The following PSMA1 variants were observed in gnomAD, a reference collection of about 807,000 sequenced individuals.
The protein encoded by PSMA1 is proteasome 20S subunit alpha 1.
A neutral mutation model predicts 38.4 loss-of-function variants in PSMA1; 3 were observed. That is an observed-to-expected ratio of 0.08 (90% CI 0.04 to 0.20). The LOEUF is 0.20. Among genes scored for constraint, PSMA1 ranks in the 10% least tolerant of loss-of-function variants. The pLI is 1.00. For missense variants in PSMA1, 227 were observed against 325.3 expected, an observed-to-expected ratio of 0.70 and a Z score of 2.32; for synonymous variants, 101 against 107.1, an observed-to-expected ratio of 0.94 and a Z score of 0.35.
chr11:14,594,515 A>G (rs145142764), intron 2 of PSMA1, among the ~76,000 whole-genome samples: 1 of 152,334 alleles, frequency 6.6e-6, no homozygotes, highest in East Asian at 1.9e-4. Context: ...CCCAATATTC[A>G]GTAAATAAGT....
intron 2 of PSMA1, among the ~76,000 whole-genome samples, chr11:14,563,572 T>C (rs1852034836): frequency 6.6e-6 from 1 of 152,230 alleles, no homozygotes; most frequent in Non-Finnish European, 1.5e-5. Context: ...TGAGGATTCA[T>C]TGCAGGTTTT....
chr11:14,522,265 CTTAA>C (rs1439813842), upstream of PSMA1, among the ~76,000 whole-genome samples: 4 of 151,970 alleles, frequency 2.6e-5, no homozygotes, highest in African/African-American at 7.3e-5. Flanking sequence ...TAATAATTTG[CTTAA>C]TTATTAGTGT....
chr11:14,583,823 G>A (rs1589999405), intron 2 of PSMA1, among the ~76,000 whole-genome samples: 2 of 152,316 alleles, frequency 1.3e-5, no homozygotes, highest in East Asian at 3.9e-4. Context: ...GTGTGCACCT[G>A]TTAGGTTGTG....
At chr11:14,582,505 A>G (rs1323669222) in intron 2 of PSMA1, among the ~76,000 whole-genome samples, 1 of 151,832 alleles carries the variant, frequency 6.6e-6, no homozygotes, top group African/African-American at 2.4e-5. Flanking sequence ...GCAAATATCC[A>G]CTTCATACAT....
chr11:14,548,338 A>G (rs906901724), intron 2 of PSMA1, among the ~76,000 whole-genome samples: 1 of 152,196 alleles, frequency 6.6e-6, no homozygotes, highest in African/African-American at 2.4e-5. Flanking sequence ...ATTTCAAGGT[A>G]GACACTGGCT....
At chr11:14,521,330 AT>A (rs1554967372), upstream of PSMA1, among the ~76,000 whole-genome samples, 334 of 121,334 alleles carry the variant, frequency 2.8e-3, 2 homozygotes, top group African/African-American at 0.011. Flanking sequence ...AAGAATAAGA[AT>A]AATAAAAAAA....
chr11:14,582,628 C>T (rs529010437), intron 2 of PSMA1, among the ~76,000 whole-genome samples: 1 of 152,240 alleles, frequency 6.6e-6, no homozygotes, highest in Admixed American at 6.5e-5. Context: ...AACAATTCTC[C>T]TGCCTCAGCC....
intron 2 of PSMA1, among the ~76,000 whole-genome samples, chr11:14,562,031 GA>G (rs1399343501): frequency 6.6e-6 from 1 of 152,098 alleles, no homozygotes; most frequent in East Asian, 1.9e-4. Flanking sequence ...AGGAAGCTAG[GA>G]AAACCAAAGA....
intron 1 of PSMA1, among the ~76,000 whole-genome samples, chr11:14,624,598 T>A (rs1418555925): frequency 2.6e-5 from 4 of 152,066 alleles, no homozygotes; most frequent in Non-Finnish European, 5.9e-5. Context: ...GAACTATATG[T>A]TATAGATACT....
intron 2 of PSMA1, among the ~76,000 whole-genome samples, chr11:14,569,158 T>C (rs1405250579): frequency 6.6e-6 from 1 of 152,192 alleles, no homozygotes; most frequent in African/African-American, 2.4e-5. Flanking sequence ...TCTACCACAT[T>C]GTCATCAGGC....
At chr11:14,633,825 G>C (rs1853071557) in intron 1 of PSMA1, among the ~76,000 whole-genome samples, 1 of 152,142 alleles carries the variant, frequency 6.6e-6, no homozygotes, top group Admixed American at 6.5e-5. Context: ...GCCAGGTGCG[G>C]GATATAATCT....
intron 2 of PSMA1, among the ~76,000 whole-genome samples, chr11:14,526,309 T>C (rs1851584881): frequency 6.6e-6 from 1 of 152,190 alleles, no homozygotes; most frequent in Non-Finnish European, 1.5e-5. Flanking sequence ...CTTTAGTGAC[T>C]GCCCCCACAC....
intron 2 of PSMA1, among the ~76,000 whole-genome samples, chr11:14,603,086 C>T (rs899326474): frequency 1.3e-5 from 2 of 152,172 alleles, no homozygotes; most frequent in Admixed American, 6.5e-5. Context: ...AAATATTTGC[C>T]ACAGCTAGAG....
In PSMA1 at chr11:14,587,029, C is replaced by G. The variant is rs376330062; in HGVS notation, c.21+23937G>C. Among the ~76,000 whole-genome samples, 23 of 152,246 alleles carry G rather than the reference C, an allele frequency of 1.5e-4. No homozygotes were observed. In the South Asian group the frequency reaches 4.6e-3, roughly 30 times the overall value. ...CCTGCCTCGGCCTCTCAATCTCTTTCTTTTGAATTTACTTAATATCTTTGC... is the reference window on the plus strand; with the variant it reads ...CCTGCCTCGGCCTCTCAATCTCTTTGTTTTGAATTTACTTAATATCTTTGC... On this transcript the variant is annotated intron_variant, in intron 2 of 10. Coordinates refer to the PSMA1 transcript ENST00000418988.
rs1444344693 is a variant in PSMA1, at chr11:14,616,579, C to A, written c.-165-5428G>T. On this transcript the variant is annotated intron_variant, in intron 1 of 10. Transcript: ENST00000418988. ...CACTTTTTCCTGCTTGAGTTTTCAA[C>A]AAATTGAGAAATAAGATTACAATAG... Among the ~76,000 whole-genome samples the A allele has an allele frequency of 2.6e-5, 4 of 152,076 alleles. No homozygotes were observed. The East Asian group carries it at 7.7e-4, about 29-fold the overall frequency.
At chr11:14,611,069 T>C in exon 2 of PSMA1, 2 of 1,458,416 alleles carry the variant, frequency 1.4e-6, no homozygotes, top group Non-Finnish European at 1.9e-6. Flanking sequence ...TTCCCAGCCT[T>C]GGAGGGCCAA....
chr11:14,641,142 C>T (rs969600265), intron 1 of PSMA1, among the ~76,000 whole-genome samples: 8 of 150,130 alleles, frequency 5.3e-5, no homozygotes, highest in Admixed American at 3.3e-4. Context: ...CAAACCTGTA[C>T]GTTCTGCACA....
At chr11:14,546,088 T>A (rs1565041597) in intron 2 of PSMA1, among the ~76,000 whole-genome samples, 1 of 151,972 alleles carries the variant, frequency 6.6e-6, no homozygotes, top group Non-Finnish European at 1.5e-5. Context: ...TGGTTTAAAA[T>A]TCAGGCCTCC....
chr11:14,524,017 G>C (rs1384563066), upstream of PSMA1, among the ~76,000 whole-genome samples: 2 of 144,018 alleles, frequency 1.4e-5, no homozygotes, highest in East Asian at 4.3e-4. Flanking sequence ...GCTCACACCT[G>C]TAATCCCGAC....
Sources: gnomAD v4.1 joint callset for allele counts (sites outside exome capture counted in the v4.1 genomes callset) on GRCh38, gnomAD v4.1.1 for gene constraint, MANE v1.5 for transcripts, NCBI Gene and HGNC (gene_info 2026-07-23, HGNC 2026-07-21) for gene names.